PHACTR3: variants seen among roughly 807,000 people sequenced by gnomAD.
PHACTR3 encodes phosphatase and actin regulator 3.
PHACTR3 carries 16 observed loss-of-function variants against 66.8 expected under a neutral mutation model. That is an observed-to-expected ratio of 0.24 (90% CI 0.16 to 0.36). The LOEUF is 0.36. Ranked by LOEUF, PHACTR3 falls within the 10% of genes least tolerant of loss-of-function variation. The pLI is 1.00. For synonymous variants in PHACTR3, 323 were observed against 292.1 expected, an observed-to-expected ratio of 1.11 and a Z score of -1.08; for missense variants, 647 against 719.9, an observed-to-expected ratio of 0.90 and a Z score of 1.16.
chr20:59,671,414 G>T (rs1284500207), intron 1 of PHACTR3, among the ~76,000 whole-genome samples: 4 of 152,214 alleles, frequency 2.6e-5, no homozygotes, highest in Admixed American at 6.5e-5. Context: ...AGGCAGTGCT[G>T]GGAGGTGGCT....
chr20:59,790,707 A>G (rs950583489), intron 7 of PHACTR3, among the ~76,000 whole-genome samples: 1 of 152,234 alleles, frequency 6.6e-6, no homozygotes, highest in Non-Finnish European at 1.5e-5. Flanking sequence ...GTATGATCCT[A>G]CTTTTGTAAG....
chr20:59,730,744 G>T (rs1413111596), intron 1 of PHACTR3, among the ~76,000 whole-genome samples: 1 of 152,132 alleles, frequency 6.6e-6, no homozygotes, highest in African/African-American at 2.4e-5. Flanking sequence ...CAAACCAAAT[G>T]CACTTTCTAC....
At chr20:59,619,273 A>G (rs2034149514) in intron 1 of PHACTR3, among the ~76,000 whole-genome samples, 1 of 152,104 alleles carries the variant, frequency 6.6e-6, no homozygotes, top group Non-Finnish European at 1.5e-5. Flanking sequence ...GGGAAGCCCT[A>G]AAGGGGACAA....
At chr20:59,758,281 T>A (rs907855847) in intron 4 of PHACTR3, among the ~76,000 whole-genome samples, 2 of 152,166 alleles carry the variant, frequency 1.3e-5, no homozygotes, top group African/African-American at 2.4e-5. Context: ...AATGAAAAAG[T>A]TTAAACATTA....
At chr20:59,701,083 C>G (rs536667031) in intron 1 of PHACTR3, among the ~76,000 whole-genome samples, 1 of 152,192 alleles carries the variant, frequency 6.6e-6, no homozygotes, top group African/African-American at 2.4e-5. Context: ...TGTACCATTG[C>G]GTCCAGCTCT....
At chr20:59,577,708 C>A in intron 1 of PHACTR3, 1 of 908,352 alleles carries the variant, frequency 1.1e-6, no homozygotes, top group Non-Finnish European at 1.4e-6. Context: ...CTCCTGAATC[C>A]CTTGCCCTTG....
chr20:59,719,640 G>A (rs1175767834), intron 1 of PHACTR3, among the ~76,000 whole-genome samples: 1 of 152,176 alleles, frequency 6.6e-6, no homozygotes, highest in Non-Finnish European at 1.5e-5. Context: ...TAGCTTACTT[G>A]AAAGATTGGA....
intron 11 of PHACTR3, 102 bp from the exon 12 acceptor site, chr20:59,845,087 A>G: frequency 1.4e-6 from 1 of 720,946 alleles, no homozygotes; most frequent in Non-Finnish European, 2.3e-6. Flanking sequence ...ATATTACATA[A>G]TAGAGTCAAC....
intron 2 of PHACTR3, among the ~76,000 whole-genome samples, chr20:59,743,508 C>T (rs577053011): frequency 1.3e-5 from 2 of 152,334 alleles, no homozygotes; most frequent in East Asian, 1.9e-4. Flanking sequence ...GGACGCTCTG[C>T]CCAGACCCTA....
chr20:59,754,322 T>A (rs531034674), intron 3 of PHACTR3, among the ~76,000 whole-genome samples: 71 of 152,330 alleles, frequency 4.7e-4, no homozygotes, highest in Non-Finnish European at 8.1e-4. Context: ...CCTTATGCCC[T>A]GCTAGTGCCT....
At chr20:59,674,835 C>T (rs533612030) in intron 1 of PHACTR3, among the ~76,000 whole-genome samples, 13 of 60,970 alleles carry the variant, frequency 2.1e-4, no homozygotes, top group Admixed American at 1.1e-3. Context: ...TCTCCTGTTT[C>T]TGCCTTCTCC....
In PHACTR3 at chr20:59,840,338, A is replaced by AT. The variant is rs11479086; in HGVS notation, c.1385-21dup. 12,502 of 1,468,156 alleles carry AT rather than the reference A, an allele frequency of 8.5e-3. 49 individuals carry two copies. The highest frequency in any genetic ancestry group is 0.038 in the Middle Eastern group (208 of 5,530). The allele number at this position is 1,468,156 out of a possible 1,614,324, so 90.9% of individuals were successfully genotyped here. ...ACGTTTCAACCTGTTTCTCTTTGTT[A>AT]TTTTTTTTTTCCTATTTTAATCTTT... On this transcript the variant is annotated intron_variant, in intron 9 of 12. Coordinates refer to ENST00000371015, the MANE Select transcript of PHACTR3 (RefSeq NM_080672.5).
chr20:59,778,226 C>A (rs570152186), intron 7 of PHACTR3, among the ~76,000 whole-genome samples: 24 of 152,304 alleles, frequency 1.6e-4, no homozygotes, highest in Non-Finnish European at 3.2e-4. Context: ...GCCACAGGAC[C>A]AGGGTCTCAT....
intron 1 of PHACTR3, among the ~76,000 whole-genome samples, chr20:59,731,943 C>T (rs2038780629): frequency 6.6e-6 from 1 of 152,148 alleles, no homozygotes; most frequent in African/African-American, 2.4e-5. Context: ...ATTCAAAGTT[C>T]TTAGTCCTGG....
chr20:59,824,873 C>T (rs904767190), intron 8 of PHACTR3, among the ~76,000 whole-genome samples: 2 of 152,304 alleles, frequency 1.3e-5, no homozygotes, highest in African/African-American at 4.8e-5. Flanking sequence ...GGCACAGTGA[C>T]GTGCTGTTTG....
At chr20:59,696,779 C>G (rs954871951) in intron 1 of PHACTR3, among the ~76,000 whole-genome samples, 1 of 152,058 alleles carries the variant, frequency 6.6e-6, no homozygotes, top group Non-Finnish European at 1.5e-5. Flanking sequence ...GCTGATGGAC[C>G]CTGGGTGGCA....
chr20:59,683,447 G>A (rs1037003416), intron 1 of PHACTR3, among the ~76,000 whole-genome samples: 5 of 151,408 alleles, frequency 3.3e-5, no homozygotes, highest in African/African-American at 1.2e-4. Flanking sequence ...TCTGCCACCT[G>A]TAGTCTAATT....
In PHACTR3 at chr20:59,830,453, G is replaced by T. The variant is rs769130373; in HGVS notation, c.1329-6052G>T. ...AATGTGTGGGCATCTGATGGAGGAA[G>T]ATGTGAACATCTGATGGAGGTGTGA... On this transcript the variant is annotated intron_variant, in intron 8 of 12. Coordinates refer to ENST00000371015, the MANE Select transcript of PHACTR3 (RefSeq NM_080672.5). This position sits in a 1 kb window ranked among gnomAD's most constrained non-coding sequence, Gnocchi z 5.8. Among the ~76,000 whole-genome samples the T allele has an allele frequency of 3.3e-5, 5 of 152,132 alleles. No individual in the cohort carries two copies. The highest frequency in any genetic ancestry group is 7.4e-5 in the Non-Finnish European group (5 of 68,016).
intron 3 of PHACTR3, among the ~76,000 whole-genome samples, chr20:59,749,695 T>A (rs1306151220): frequency 6.6e-6 from 1 of 152,232 alleles, no homozygotes; most frequent in African/African-American, 2.4e-5. Context: ...TCTGCTTTTG[T>A]AGCGCAAAGG....
Sources: gnomAD v4.1 joint callset for allele counts (sites outside exome capture counted in the v4.1 genomes callset) on GRCh38, gnomAD v4.1.1 for gene constraint, Gnocchi (gnomAD v3.1) non-coding constraint, MANE v1.5 for transcripts, NCBI Gene and HGNC (gene_info 2026-07-23, HGNC 2026-07-21) for gene names.